Variants in XKR9 observed in about 807,000 individuals in gnomAD.
The protein encoded by XKR9 is XK-related protein 9.
A neutral mutation model predicts 32.0 loss-of-function variants in XKR9; 32 were observed. The observed-to-expected ratio is 1.00, with a 90% CI of 0.76 to 1.34. XKR9 has a LOEUF of 1.34. XKR9 is among the 40% of genes most tolerant of loss of function. The probability of loss-of-function intolerance (pLI) is 0.00; values close to 1 mark genes in which losing one functional copy is unlikely to be tolerated. For synonymous variants in XKR9, 168 were observed against 143.4 expected (o/e 1.17, Z -1.22); for missense variants, 546 against 429.7 (o/e 1.27, Z -2.39).
intron 2 of XKR9, among the ~76,000 whole-genome samples, chr8:70,764,111 C>T (rs896674900): frequency 3.3e-5 from 5 of 152,174 alleles, no homozygotes; most frequent in Non-Finnish European, 7.3e-5. Flanking sequence ...TATGTCATGA[C>T]TGCTGTCTTG....
the XKR9 span, among the ~76,000 whole-genome samples, chr8:70,942,096 G>A: frequency 1.9e-4 from 29 of 151,912 alleles, no homozygotes; most frequent in Admixed American, 2.6e-4. Context: ...TTTTCTATTT[G>A]GGAATGTACT....
the XKR9 span, among the ~76,000 whole-genome samples, chr8:70,894,874 T>C: frequency 6.6e-6 from 1 of 151,910 alleles, no homozygotes; most frequent in South Asian, 2.1e-4. Context: ...CCTGGGGTGG[T>C]TTGGTGGTGG....
chr8:70,852,843 C>T, the XKR9 span, among the ~76,000 whole-genome samples: 1 of 151,816 alleles, frequency 6.6e-6, no homozygotes, highest in African/African-American at 2.4e-5. Flanking sequence ...TTCTGGGGTC[C>T]ATTGGCAGGT....
At chr8:70,888,540 A>G in the XKR9 span, among the ~76,000 whole-genome samples, 2 of 151,870 alleles carry the variant, frequency 1.3e-5, no homozygotes, top group African/African-American at 4.8e-5. Flanking sequence ...AGACCCAGAC[A>G]AAAATATTTT....
the XKR9 span, among the ~76,000 whole-genome samples, chr8:71,008,588 C>T: frequency 6.6e-6 from 1 of 152,108 alleles, no homozygotes; most frequent in South Asian, 2.1e-4. Context: ...AAAGATGGGG[C>T]ATAGGAAACT....
the XKR9 span, among the ~76,000 whole-genome samples, chr8:71,051,218 C>A: frequency 6.6e-6 from 1 of 152,126 alleles, no homozygotes; most frequent in Admixed American, 6.5e-5. Context: ...CTCCCATATA[C>A]CATAGCCCAT....
chr8:70,811,763 G>C, the XKR9 span, among the ~76,000 whole-genome samples: 2 of 152,066 alleles, frequency 1.3e-5, no homozygotes, highest in Admixed American at 1.3e-4. Flanking sequence ...TCTCAGAATA[G>C]ACCAATAACA....
At chr8:70,961,646 C>T in the XKR9 span, among the ~76,000 whole-genome samples, 1 of 152,012 alleles carries the variant, frequency 6.6e-6, no homozygotes, top group Admixed American at 6.6e-5. Flanking sequence ...TAAAACAGAT[C>T]GCATGAAGAT....
the XKR9 span, among the ~76,000 whole-genome samples, chr8:70,967,321 G>A: frequency 5.3e-5 from 8 of 151,946 alleles, no homozygotes; most frequent in East Asian, 9.7e-4. Flanking sequence ...CGCCCACCTC[G>A]GCCTCCCAAA....
At chr8:70,676,299 A>G (rs1456488580) in intron 2 of XKR9, among the ~76,000 whole-genome samples, 1 of 152,144 alleles carries the variant, frequency 6.6e-6, no homozygotes, top group Non-Finnish European at 1.5e-5. Context: ...ACCAGGCCCC[A>G]CCTCCAACAT....
the XKR9 span, among the ~76,000 whole-genome samples, chr8:70,939,596 C>T: frequency 4.6e-5 from 7 of 151,992 alleles, no homozygotes; most frequent in South Asian, 4.1e-4. Flanking sequence ...GACTGACAAT[C>T]TCTATTTTAT....
At chr8:71,060,779 C>G in the XKR9 span, among the ~76,000 whole-genome samples, 1 of 152,092 alleles carries the variant, frequency 6.6e-6, no homozygotes, top group Non-Finnish European at 1.5e-5. Flanking sequence ...TAGGGAAGTA[C>G]CCTTGTTGTT....
Position 70,681,184 on chromosome 8 carries a change from T to C in XKR9, c.126T>C (p.Ala42=), listed in dbSNP as rs1328891702. 3 of 1,613,506 alleles carry C rather than the reference T, an allele frequency of 1.9e-6. No homozygotes were observed. The highest frequency in any genetic ancestry group is 2.5e-6 in the Non-Finnish European group (3 of 1,179,662). The change falls in exon 3 of 5, where the codon GCT becomes GCC. Residue 42 remains alanine (A), a synonymous_variant. Coordinates refer to ENST00000408926, the MANE Select transcript of XKR9 (RefSeq NM_001011720.2). ...ATGAAGGACAGTATGTTTTTAGTGC[T>C]TTAGCGTTAAGCTTTATGCTTTTTG... is the stretch of plus-strand genomic sequence containing the variant. ...FFHEGQYVFS[A]LALSFMLFGT...
the XKR9 span, among the ~76,000 whole-genome samples, chr8:70,996,045 A>G: frequency 1.3e-5 from 2 of 152,174 alleles, no homozygotes; most frequent in South Asian, 2.1e-4. Flanking sequence ...TGTAGGGGAA[A>G]AAAACAAAAT....
the XKR9 span, among the ~76,000 whole-genome samples, chr8:70,860,006 CAT>C: frequency 6.6e-6 from 1 of 152,100 alleles, no homozygotes; most frequent in Non-Finnish European, 1.5e-5. Flanking sequence ...GTTCCCAACA[CAT>C]AGAAATAAAT....
chr8:70,720,492 A>C (rs183445319), intron 4 of XKR9, among the ~76,000 whole-genome samples: 26 of 152,236 alleles, frequency 1.7e-4, no homozygotes, highest in Admixed American at 5.9e-4. Context: ...TAGTTTATTG[A>C]GTGTTTTTAG....
At chr8:70,757,607 G>T (rs1486604245) in intron 2 of XKR9, among the ~76,000 whole-genome samples, 1 of 151,504 alleles carries the variant, frequency 6.6e-6, no homozygotes. Flanking sequence ...ATTTATTTAT[G>T]ACAGAGTCTT....
rs1819340128 is a variant in XKR9 at position 70,687,461 on chromosome 8, C to G, written c.272+6131C>G. The stretch of plus-strand genomic sequence containing the variant: ...CATAGCTCATTATAACCTCGAACTC[C>G]TGGGCTCAGGTGATCTTCCCATCTC... On this transcript the variant is annotated intron_variant, in intron 3 of 4. Coordinates refer to ENST00000408926, the MANE Select transcript of XKR9 (RefSeq NM_001011720.2). Among the ~76,000 whole-genome samples the G allele has an allele frequency of 2.0e-5, 3 of 151,736 alleles. No individual in the cohort carries two copies. In the South Asian group the frequency reaches 6.2e-4, roughly 32 times the overall value.
At chr8:70,961,764 A>G in the XKR9 span, among the ~76,000 whole-genome samples, 1 of 152,174 alleles carries the variant, frequency 6.6e-6, no homozygotes, top group Non-Finnish European at 1.5e-5. Flanking sequence ...AGGTAAATAC[A>G]TAAATTTCAC....
Sources: gnomAD v4.1 joint callset for allele counts (sites outside exome capture counted in the v4.1 genomes callset) on GRCh38, gnomAD v4.1.1 for gene constraint, MANE v1.5 for transcripts, NCBI Gene and HGNC (gene_info 2026-07-23, HGNC 2026-07-21) for gene names.